Variants in RAI14 observed in about 807,000 individuals in gnomAD.
RAI14 encodes ankycorbin.
Under a neutral mutation model 115.4 loss-of-function variants are expected in RAI14, and 45 were observed. The ratio of observed to expected loss-of-function variants is 0.39; its 90% CI spans 0.31 to 0.50. RAI14 has a LOEUF of 0.50. Ranked by LOEUF, RAI14 falls within the 20% of genes least tolerant of loss-of-function variation. The pLI, the probability that RAI14 is intolerant of heterozygous loss-of-function variation, is 0.85. For synonymous variants in RAI14, 371 were observed against 415.4 expected (o/e 0.89, Z 1.30); for missense variants, 939 against 1,131.2 (o/e 0.83, Z 2.44).
chr5:34,778,269 A>G (rs570208267), intron 3 of RAI14, among the ~76,000 whole-genome samples: 40 of 152,194 alleles, frequency 2.6e-4, no homozygotes, highest in Non-Finnish European at 5.3e-4. Flanking sequence ...TTGTAAATGC[A>G]GCTTTTGATT....
Position 34,742,996 on chromosome 5 carries a change from C to T in RAI14, c.37-14472C>T, listed in dbSNP as rs114604665. Among the ~76,000 whole-genome samples the T allele has an allele frequency of 4.7e-3, 723 of 152,262 alleles. 6 individuals are homozygous for T. Among genetic ancestry groups the T allele is most frequent in the African/African-American group, 0.017 (701 of 41,550 alleles). ...TAGTGTCTATACCCAAAGCACCACC[C>T]GGTGATTTTGAACAAACAGGAAACA... is the stretch of plus-strand genomic sequence containing the variant. On this transcript the variant is annotated intron_variant, in intron 2 of 17. Transcript: ENST00000265109.
intron 3 of RAI14, among the ~76,000 whole-genome samples, chr5:34,773,182 T>C (rs1750409702): frequency 6.6e-6 from 1 of 152,112 alleles, no homozygotes. Context: ...CTTCAATAAA[T>C]AGTGTGGGAA....
At chr5:34,712,676 G>C (rs953804931) in intron 2 of RAI14, among the ~76,000 whole-genome samples, 1 of 152,120 alleles carries the variant, frequency 6.6e-6, no homozygotes, top group African/African-American at 2.4e-5. Context: ...GATACACTAC[G>C]ACAGTTTTTC....
intron 1 of RAI14, chr5:34,657,357 T>A (rs1030216759): frequency 6.6e-6 from 1 of 152,330 alleles, no homozygotes; most frequent in Non-Finnish European, 1.5e-5. Flanking sequence ...GAGTTTCGCA[T>A]CCCCCTTTTG....
intron 2 of RAI14, among the ~76,000 whole-genome samples, chr5:34,708,598 AAAC>A (rs1741019181): frequency 6.6e-6 from 1 of 152,236 alleles, no homozygotes; most frequent in African/African-American, 2.4e-5. Flanking sequence ...TCTTTTGTGA[AAAC>A]AACAAAAAAA....
chr5:34,671,413 C>T (rs1038174113), intron 1 of RAI14, among the ~76,000 whole-genome samples: 5 of 152,118 alleles, frequency 3.3e-5, no homozygotes, highest in African/African-American at 1.2e-4. Context: ...TATTAACCTC[C>T]AGTATTTGTT....
chr5:34,753,147 G>T (rs1024916071), intron 2 of RAI14, among the ~76,000 whole-genome samples: 76 of 152,216 alleles, frequency 5.0e-4, no homozygotes, highest in African/African-American at 1.8e-3. Flanking sequence ...CCTGTCCTAT[G>T]GAGGGCATGC....
chr5:34,788,854 G>A lies in RAI14; in HGVS notation c.168-7085G>A, dbSNP rs149320432. Among the ~76,000 whole-genome samples the A allele has an allele frequency of 7.3e-3, 1,113 of 152,120 alleles. 15 individuals are homozygous for A. The highest frequency in any genetic ancestry group is 0.026 in the African/African-American group (1,070 of 41,506). On this transcript the variant is annotated intron_variant, in intron 3 of 17. Coordinates refer to ENST00000265109, the MANE Select transcript of RAI14 (RefSeq NM_015577.3). ...CATGGTGGCACATACCTGTAATCCC[G>A]GCTACTTGGGAGGCTGAGGCACGAG...
In RAI14 at chr5:34,794,233, G is replaced by T. The variant is rs368482350; in HGVS notation, c.168-1706G>T. 7.2e-5 allele frequency among the ~76,000 whole-genome samples: 11 copies of T among 152,242 alleles called. No homozygotes were observed. The East Asian group carries it at 9.7e-4, about 13-fold the overall frequency. On this transcript the variant is annotated intron_variant, in intron 3 of 17. Coordinates refer to ENST00000265109, the MANE Select transcript of RAI14 (RefSeq NM_015577.3). ...AGGTCAGGAGTTTGAGACCAGCCTG[G>T]GTAACATGGTGAAACCCCGTCTCTA... is the stretch of plus-strand genomic sequence containing the variant.
chr5:34,677,995 A>G (rs1231281280), intron 1 of RAI14, among the ~76,000 whole-genome samples: 1 of 152,196 alleles, frequency 6.6e-6, no homozygotes, highest in Non-Finnish European at 1.5e-5. Context: ...GGCCTCCTGC[A>G]TCTTCCTATC....
At chr5:34,719,283 G>A (rs1482887106) in intron 2 of RAI14, among the ~76,000 whole-genome samples, 1 of 152,196 alleles carries the variant, frequency 6.6e-6, no homozygotes, top group Non-Finnish European at 1.5e-5. Flanking sequence ...CAGCATGGTG[G>A]CTGGGTTCCA....
At chr5:34,802,337 G>A (rs1435725284) in intron 4 of RAI14, among the ~76,000 whole-genome samples, 1 of 152,158 alleles carries the variant, frequency 6.6e-6, no homozygotes, top group African/African-American at 2.4e-5. Flanking sequence ...AAGCTAAGCA[G>A]GGTCGGGCCT....
At chr5:34,663,725 C>T (rs9292558) in intron 1 of RAI14, among the ~76,000 whole-genome samples, 10,900 of 152,198 alleles carry the variant, frequency 0.072, 635 homozygotes, top group South Asian at 0.34. Flanking sequence ...CCCCTCATGG[C>T]GGTCATCAGA....
Position 34,748,824 on chromosome 5 carries a change from A to T in RAI14, c.37-8644A>T, listed in dbSNP as rs915871298. ...AAATTAAAAAAATAAAAATTAAAAA[A>T]AAAAAAAGAAAATTTGGGAAAGGCT... On this transcript the variant is annotated intron_variant, in intron 2 of 17. Coordinates refer to ENST00000265109, the MANE Select transcript of RAI14 (RefSeq NM_015577.3). Among the ~76,000 whole-genome samples, 7 of 151,922 alleles carry T rather than the reference A, an allele frequency of 4.6e-5. No homozygotes were observed. The South Asian group carries it at 6.2e-4, about 14-fold the overall frequency.
intron 1 of RAI14, among the ~76,000 whole-genome samples, chr5:34,674,017 C>T (rs1407148955): frequency 6.6e-6 from 1 of 152,130 alleles, no homozygotes; most frequent in African/African-American, 2.4e-5. Context: ...ACTTATGGAT[C>T]CACTACTGGA....
intron 4 of RAI14, among the ~76,000 whole-genome samples, chr5:34,799,518 ACACACACACACACAC>A (rs1289889492): frequency 7.5e-4 from 87 of 116,524 alleles, no homozygotes; most frequent in African/African-American, 2.5e-3. Context: ...ACACACACAC[ACACACACACACACAC>A]ACACACAAAA....
intron 3 of RAI14, among the ~76,000 whole-genome samples, chr5:34,790,657 AT>A (rs34913076): frequency 9.2e-5 from 14 of 151,354 alleles, no homozygotes; most frequent in African/African-American, 2.9e-4. Context: ...CTTATTTTGC[AT>A]TTTTTTTCTA....
At chr5:34,757,245 G>A (rs1158226126) in intron 2 of RAI14, 9 of 597,096 alleles carry the variant, frequency 1.5e-5, no homozygotes, top group Non-Finnish European at 2.2e-5. Context: ...AGAGTTTGGT[G>A]ACTAGCCGTG....
intron 3 of RAI14, among the ~76,000 whole-genome samples, chr5:34,792,704 C>T (rs1387988805): frequency 6.6e-6 from 1 of 152,048 alleles, no homozygotes; most frequent in East Asian, 1.9e-4. Context: ...GTTTTACTAG[C>T]AAAAAATATG....
Sources: allele counts gnomAD v4.1 joint callset (sites outside exome capture counted in the v4.1 genomes callset), GRCh38; gene constraint gnomAD v4.1.1; transcripts MANE v1.5; gene names NCBI Gene and HGNC (gene_info 2026-07-23, HGNC 2026-07-21).